Variants in TPO observed in about 807,000 individuals in gnomAD.
The protein encoded by TPO is thyroid microsomal antigen.
Under a neutral mutation model 96.9 loss-of-function variants are expected in TPO, and 78 were observed. The observed-to-expected ratio is 0.81, with a 90% CI of 0.67 to 0.97. The LOEUF is 0.97. TPO is among the 50% of genes least tolerant of loss of function. TPO has a pLI of 0.00. For missense variants in TPO, 1,252 were observed against 1,274.8 expected, an observed-to-expected ratio of 0.98 and a Z score of 0.27; for synonymous variants, 547 against 538.0, an observed-to-expected ratio of 1.02 and a Z score of -0.23.
At chr2:1,531,744 C>G (rs1269024749) in intron 15 of TPO, among the ~76,000 whole-genome samples, 5 of 51,158 alleles carry the variant, frequency 9.8e-5, no homozygotes, top group African/African-American at 4.0e-4. Flanking sequence ...CCCAAATCAC[C>G]CCCACTCTCT....
chr2:1,474,484 T>C, intron 7 of TPO, among the ~76,000 whole-genome samples: 1 of 152,228 alleles, frequency 6.6e-6, no homozygotes, highest in East Asian at 1.9e-4. Flanking sequence ...CCTTTTCATC[T>C]TTTCCATGGC....
At chr2:1,431,871 C>T (rs778881807) in intron 3 of TPO, among the ~76,000 whole-genome samples, 27 of 152,260 alleles carry the variant, frequency 1.8e-4, no homozygotes, top group Non-Finnish European at 1.5e-4. Flanking sequence ...TGATTCTGAG[C>T]CCTGAGCCTC....
chr2:1,488,134 GTTCA>G, intron 10 of TPO, 143 bp downstream of exon 10: 1 of 1,222,942 alleles, frequency 8.2e-7, no homozygotes, highest in Non-Finnish European at 1.2e-6. Flanking sequence ...AAGGGCTCCA[GTTCA>G]TTCAGCTAAA....
At chr2:1,521,344 T>C (rs1177593787) in intron 15 of TPO, among the ~76,000 whole-genome samples, 2 of 152,128 alleles carry the variant, frequency 1.3e-5, no homozygotes, top group Non-Finnish European at 2.9e-5. Context: ...CTGCCATCTC[T>C]CCTCTCTTTA....
chr2:1,531,355 C>T lies in TPO; in HGVS notation c.2619-9239C>T, dbSNP rs533990571. On this transcript the variant is annotated intron_variant, in intron 15 of 16. Transcript: ENST00000329066. ...CCAAATCCCTCCCACTGTGTGCAGCCTCCCCAAATCCTCCCGACTCTGTGC... is the reference window on the plus strand; with the variant it reads ...CCAAATCCCTCCCACTGTGTGCAGCTTCCCCAAATCCTCCCGACTCTGTGC... Among the ~76,000 whole-genome samples the T allele has an allele frequency of 2.6e-4, 26 of 98,776 alleles. 2 individuals carry two copies. The highest frequency in any genetic ancestry group is 4.4e-4 in the Non-Finnish European group (22 of 49,620). 64.8% of individuals were successfully genotyped at this position (98,776 alleles called of 152,430 possible). A position where few individuals can be genotyped will look rare whatever the true frequency, so the allele number is the denominator to read the frequency against.
At chr2:1,395,077 T>C (rs1161267851) in intron 1 of TPO, among the ~76,000 whole-genome samples, 2 of 152,204 alleles carry the variant, frequency 1.3e-5, no homozygotes, top group East Asian at 1.9e-4. Context: ...TCTTACTACT[T>C]TTCCTCCATT....
In TPO at chr2:1,386,489, C is replaced by G. The variant is rs1333688758; in HGVS notation, n.180+12087C>G. Among the ~76,000 whole-genome samples the G allele has an allele frequency of 2.7e-5, 4 of 148,608 alleles. No homozygotes were observed. The East Asian group carries it at 7.7e-4, about 29-fold the overall frequency. ...AATGGCCTTCTTTGTCTCTTTTGAT[C>G]TTTGTTGGTTTAAAGTCTGTTTTAT... On this transcript the variant is annotated intron_variant and non_coding_transcript_variant, in intron 1 of 5. Transcript: ENST00000497517.
upstream of TPO, among the ~76,000 whole-genome samples, chr2:1,412,356 C>A (rs1311716623): frequency 6.6e-6 from 1 of 152,194 alleles, no homozygotes; most frequent in Admixed American, 6.5e-5. Context: ...TAATGAGCCA[C>A]CGAGTCTGGT....
At chr2:1,504,213 C>G in intron 14 of TPO, 134 bp downstream of exon 14, 2 of 1,520,532 alleles carry the variant, frequency 1.3e-6, no homozygotes, top group Non-Finnish European at 1.8e-6. Flanking sequence ...ACACCAAGCC[C>G]ACGGTGCCCG....
intron 2 of TPO, among the ~76,000 whole-genome samples, chr2:1,415,565 T>C (rs1662862631): frequency 6.7e-6 from 1 of 149,136 alleles, no homozygotes; most frequent in African/African-American, 2.5e-5. Context: ...CCTGGGTCTC[T>C]GGACACAGTC....
In TPO at chr2:1,422,364, G is replaced by GCTGGACAGACCTCGTGCAGGCGCCTCTC. The variant is rs774976489; in HGVS notation, c.95-675_95-674insAGACCTCGTGCAGGCGCCTCTCCTGGAC. Among the ~76,000 whole-genome samples the GCTGGACAGACCTCGTGCAGGCGCCTCTC allele has an allele frequency of 7.8e-3, 923 of 118,024 alleles. 6 individuals are homozygous for GCTGGACAGACCTCGTGCAGGCGCCTCTC. The highest frequency in any genetic ancestry group is 0.011 in the Non-Finnish European group (566 of 52,464). 77.4% of individuals were successfully genotyped at this position (118,024 alleles called of 152,430 possible). On this transcript the variant is annotated intron_variant, in intron 2 of 16. Transcript: ENST00000329066. ...TGGACCGACCTCGTGCAGGCGCCGC[G>GCTGGACAGACCTCGTGCAGGCGCCTCTC]CTGGACCGACCTCGTGCAGGCGCCG...
chr2:1,540,880 G>GC (rs1558448664), intron 16 of TPO, 157 bp downstream of exon 16: 1 of 1,548,616 alleles, frequency 6.5e-7, no homozygotes, highest in South Asian at 1.2e-5. Context: ...TTATTTACAA[G>GC]CTAATGACAG....
chr2:1,490,644 G>A (rs1671693146), intron 10 of TPO, among the ~76,000 whole-genome samples: 1 of 152,214 alleles, frequency 6.6e-6, no homozygotes, highest in South Asian at 2.1e-4. Context: ...AGCACAGACA[G>A]TTTAGGCAAC....
intron 6 of TPO, among the ~76,000 whole-genome samples, chr2:1,454,682 C>T (rs1667627525): frequency 6.6e-6 from 1 of 152,182 alleles, no homozygotes; most frequent in Non-Finnish European, 1.5e-5. Context: ...CTCAGTTGGA[C>T]AATCCCTAAA....
intron 15 of TPO, among the ~76,000 whole-genome samples, chr2:1,535,207 A>G (rs1310665604): frequency 1.0e-5 from 1 of 97,618 alleles, no homozygotes; most frequent in African/African-American, 4.3e-5. Context: ...CAACCTCATC[A>G]ATTTCCCCCC....
chr2:1,387,302 G>A (rs928034044), intron 1 of TPO, among the ~76,000 whole-genome samples: 1 of 152,210 alleles, frequency 6.6e-6, no homozygotes, highest in Non-Finnish European at 1.5e-5. Context: ...ATACTGCAGA[G>A]TGTTTTCCAA....
intron 1 of TPO, among the ~76,000 whole-genome samples, chr2:1,398,272 T>C (rs373226399): frequency 6.6e-6 from 1 of 152,194 alleles, no homozygotes. Flanking sequence ...CCTCCCTGTA[T>C]CCTGCAGGCA....
intron 5 of TPO, among the ~76,000 whole-genome samples, chr2:1,437,401 G>T (rs974114711): frequency 4.6e-5 from 7 of 152,170 alleles, no homozygotes; most frequent in African/African-American, 1.4e-4. Context: ...TCCTCAAAGG[G>T]ACTCGAGCTC....
intron 8 of TPO, among the ~76,000 whole-genome samples, chr2:1,480,736 T>TCCACACCACCTCCCTCCTCC (rs1162791814): frequency 9.3e-6 from 1 of 108,062 alleles, no homozygotes; most frequent in South Asian, 2.5e-4. Flanking sequence ...CCAAACCATG[T>TCCACACCACCTCCCTCCTCC]TTCTCCTGCT....
Sources: gnomAD v4.1 joint callset for allele counts (sites outside exome capture counted in the v4.1 genomes callset) on GRCh38, gnomAD v4.1.1 for gene constraint, MANE v1.5 for transcripts, NCBI Gene and HGNC (gene_info 2026-07-23, HGNC 2026-07-21) for gene names.